Variants in NFATC1 observed in about 807,000 individuals in gnomAD.
NFATC1 encodes nuclear factor of activated T cells 1.
A neutral mutation model predicts 76.0 loss-of-function variants in NFATC1; 22 were observed. The observed-to-expected ratio is 0.29, with a 90% CI of 0.21 to 0.41. NFATC1 has a LOEUF of 0.41. Among genes scored for constraint, NFATC1 ranks in the 10% least tolerant of loss-of-function variants. The pLI is 1.00. For missense variants in NFATC1, 1,357 were observed against 1,337.7 expected, an observed-to-expected ratio of 1.01 and a Z score of -0.23; for synonymous variants, 704 against 613.1, an observed-to-expected ratio of 1.15 and a Z score of -2.19.
chr18:79,445,538 G>A (rs1419229842), intron 3 of NFATC1, among the ~76,000 whole-genome samples: 2 of 152,226 alleles, frequency 1.3e-5, no homozygotes, highest in South Asian at 2.1e-4. Flanking sequence ...GCTGAGAAGA[G>A]GACCCTAGAC....
chr18:79,415,682 G>A lies in NFATC1; in HGVS notation c.1226+4181G>A, dbSNP rs115618383. Among the ~76,000 whole-genome samples the A allele has an allele frequency of 7.4e-3, 1,121 of 152,296 alleles. 16 individuals are homozygous for A. Among genetic ancestry groups the A allele is most frequent in the African/African-American group, 0.025 (1,040 of 41,548 alleles). On this transcript the variant is annotated intron_variant, in intron 2 of 9. Coordinates refer to ENST00000427363, the MANE Select transcript of NFATC1 (RefSeq NM_001278669.2). The stretch of plus-strand genomic sequence containing the variant: ...TAAAGAAAAAGAATTCCTAAGGGGC[G>A]AGATAGGCTAATAAACAATGTTTAC...
At chr18:79,513,113 G>C (rs1267513549) in intron 9 of NFATC1, among the ~76,000 whole-genome samples, 1 of 152,224 alleles carries the variant, frequency 6.6e-6, no homozygotes, top group Non-Finnish European at 1.5e-5. Context: ...AAGGAGCACT[G>C]CCAGTATTTT....
At position 79,410,944 on chromosome 18, in the gene NFATC1, C is replaced by A; in HGVS notation, c.669C>A (p.Arg223=). Residue 223 remains arginine (R), a synonymous_variant, in exon 2 of 10, where the codon CGC becomes CGA. Transcript: ENST00000427363. This position sits in a 1 kb window ranked among gnomAD's most constrained non-coding sequence, Gnocchi z 6.7. ...KTTDPEEGFP[R]GLGACTLLGS... ...CGGACCCCGAGGAGGGCTTTCCCCG[C>A]GGGCTGGGGGCCTGCACACTGCTGG... 6.2e-7 allele frequency: 1 copy of A among 1,602,568 alleles called. No individual in the cohort carries two copies. The highest frequency in any genetic ancestry group is 8.5e-7 in the Non-Finnish European group (1 of 1,175,428).
rs960062608 is a variant in NFATC1, at chr18:79,524,878, C to T, written c.2783-2650C>T. ...TCAGCGACGCGCCCTCCTGTGCCCG[C>T]GGGGAACAAGACGGCTCTCGGCGGC... On this transcript the variant is annotated intron_variant, in intron 9 of 9. Transcript: ENST00000427363. This position sits in a 1 kb window ranked among gnomAD's most constrained non-coding sequence, Gnocchi z 7.2. 1.3e-5 allele frequency among the ~76,000 whole-genome samples: 2 copies of T among 151,982 alleles called. No homozygotes were observed. The highest frequency in any genetic ancestry group is 2.4e-5 in the African/African-American group (1 of 41,372).
rs1033806124 is a variant in NFATC1 at position 79,491,329 on chromosome 18, C to T, written c.2782+4392C>T. The stretch of plus-strand genomic sequence containing the variant: ...CCAGCACCTGGAGAAGGAGCAGAGA[C>T]GAGAGACAGAAACAACACGAACCCC... On this transcript the variant is annotated intron_variant, in intron 9 of 9. Transcript: ENST00000427363. Among the ~76,000 whole-genome samples the T allele has an allele frequency of 3.9e-5, 6 of 152,188 alleles. No homozygotes were observed. In the South Asian group the frequency reaches 6.2e-4, roughly 16 times the overall value.
intron 8 of NFATC1, among the ~76,000 whole-genome samples, chr18:79,481,662 G>A (rs1600872724): frequency 6.6e-6 from 1 of 152,246 alleles, no homozygotes; most frequent in Admixed American, 6.5e-5. Flanking sequence ...GAGAATGTGC[G>A]GGACTGAGAG....
intron 1 of NFATC1, among the ~76,000 whole-genome samples, chr18:79,398,484 A>C (rs2085076701): frequency 6.6e-6 from 1 of 152,230 alleles, no homozygotes; most frequent in Non-Finnish European, 1.5e-5. Context: ...GCAGCTTTGA[A>C]TCTGGACCAA....
intron 8 of NFATC1, among the ~76,000 whole-genome samples, chr18:79,480,677 C>G (rs376990782): frequency 7.2e-5 from 11 of 152,322 alleles, no homozygotes; most frequent in African/African-American, 2.6e-4. Context: ...GCAGCAGACG[C>G]CACCCGGTTG....
intron 1 of NFATC1, chr18:79,400,367 C>CCCCG: frequency 4.2e-6 from 6 of 1,434,226 alleles, no homozygotes; most frequent in Admixed American, 2.8e-5. Flanking sequence ...CCCCGGCTCC[C>CCCCG]GCCCCGGCCC....
chr18:79,404,051 G>A (rs1305439664), intron 1 of NFATC1, among the ~76,000 whole-genome samples: 1 of 152,206 alleles, frequency 6.6e-6, no homozygotes. Flanking sequence ...TTTCAGTTCT[G>A]TGTCGTGTTT....
chr18:79,430,426 A>G (rs1204794445), intron 2 of NFATC1, among the ~76,000 whole-genome samples: 2 of 152,186 alleles, frequency 1.3e-5, no homozygotes, highest in Non-Finnish European at 2.9e-5. Flanking sequence ...TCTGTTGCCC[A>G]GGCTGGATTG....
intron 5 of NFATC1, 107 bp downstream of exon 5, chr18:79,451,233 G>A (rs1011212241): frequency 1.8e-5 from 24 of 1,345,050 alleles, no homozygotes; most frequent in African/African-American, 2.9e-5. Flanking sequence ...GGGACTGAAC[G>A]GTTCCCACCA....
chr18:79,448,371 G>A (rs979921297), intron 3 of NFATC1: 2 of 232,550 alleles, frequency 8.6e-6, no homozygotes, highest in African/African-American at 4.6e-5. Flanking sequence ...GCTGCGCGCT[G>A]CCCGGTTCCA....
chr18:79,396,213 G>T lies in NFATC1; in HGVS notation c.-12G>T. ...TCCGCCCGCCGCTCCACTCCCCGCC[G>T]CCGCCGCGCGGATGCCAAGCACCAG... is the stretch of plus-strand genomic sequence containing the variant. On this transcript the variant is annotated 5_prime_UTR_variant, in exon 1 of 10. Transcript: ENST00000427363. 6.8e-7 allele frequency: 1 copy of T among 1,471,342 alleles called. No homozygotes were observed. The allele number at this position is 1,471,342 out of a possible 1,614,324, so 91.1% of individuals were successfully genotyped here.
At position 79,438,218 on chromosome 18, in the gene NFATC1, C is replaced by T. The variant is rs552076322; in HGVS notation, c.1386+4480C>T. 2.6e-5 allele frequency among the ~76,000 whole-genome samples: 4 copies of T among 152,344 alleles called. 1 individual carries two copies. In the South Asian group the frequency reaches 8.3e-4, roughly 32 times the overall value. On this transcript the variant is annotated intron_variant, in intron 3 of 9. Transcript: ENST00000427363. ...TGTGCCTCCTTCCTTCCCTCCTGCT[C>T]TCTTTGCCGTGGACTGCAGCCCCCT...
intron 6 of NFATC1, among the ~76,000 whole-genome samples, chr18:79,459,304 G>A (rs1033905766): frequency 3.3e-5 from 5 of 152,220 alleles, no homozygotes; most frequent in East Asian, 3.9e-4. Context: ...CACGAGGCAC[G>A]GGTGGGAAAA....
chr18:79,482,376 G>A (rs1016442029), intron 8 of NFATC1, among the ~76,000 whole-genome samples: 2 of 122,572 alleles, frequency 1.6e-5, no homozygotes, highest in African/African-American at 6.6e-5. Context: ...GTGTGACGTG[G>A]TCCTGGGGTG....
chr18:79,422,129 C>CGT (rs1287018474), intron 2 of NFATC1: 1 of 152,138 alleles, frequency 6.6e-6, no homozygotes, highest in Non-Finnish European at 1.5e-5. Context: ...CCAAGTTTCC[C>CGT]GTAGGTCCAA....
rs57175022 is a variant in NFATC1, at chr18:79,464,602, G to GACAC, written c.1960-2834_1960-2831dup. ...GCTGCTGTGTGTGGATGTTCACGCA[G>GACAC]ACACACACACACACACAGAGTACAT... is the stretch of plus-strand genomic sequence containing the variant. On this transcript the variant is annotated intron_variant, in intron 7 of 9. Coordinates refer to ENST00000427363, the MANE Select transcript of NFATC1 (RefSeq NM_001278669.2). 2.4e-3 allele frequency among the ~76,000 whole-genome samples: 342 copies of GACAC among 142,928 alleles called. 1 individual carries two copies. The highest frequency in any genetic ancestry group is 7.8e-3 in the African/African-American group (304 of 38,788). 93.8% of individuals were successfully genotyped at this position (142,928 alleles called of 152,430 possible).
Sources: gnomAD v4.1 joint callset for allele counts (sites outside exome capture counted in the v4.1 genomes callset) on GRCh38, gnomAD v4.1.1 for gene constraint, Gnocchi (gnomAD v3.1) non-coding constraint, MANE v1.5 for transcripts, NCBI Gene and HGNC (gene_info 2026-07-23, HGNC 2026-07-21) for gene names.